KCNQ3: variants seen among roughly 807,000 people sequenced by gnomAD.
KCNQ3 encodes the protein potassium voltage-gated channel subfamily Q member 3, also known as potassium voltage-gated channel subfamily KQT member 3.
In KCNQ3, 30 loss-of-function variants were observed where a neutral mutation model predicts 92.5. That is an observed-to-expected ratio of 0.32 (90% CI 0.24 to 0.44). The LOEUF (loss-of-function observed/expected upper bound fraction) is 0.44, where lower values mean the gene tolerates loss of function less well. Among genes scored for constraint, KCNQ3 ranks in the 20% least tolerant of loss-of-function variants. KCNQ3 has a pLI of 1.00. For missense variants in KCNQ3, 913 were observed against 1,140.3 expected (o/e 0.80, Z 2.87); for synonymous variants, 450 against 468.8 (o/e 0.96, Z 0.52).
chr8:132,131,208 A>C (rs984212384), intron 14 of KCNQ3, among the ~76,000 whole-genome samples: 1 of 152,262 alleles, frequency 6.6e-6, no homozygotes, highest in African/African-American at 2.4e-5. Flanking sequence ...ACAAAAAGGA[A>C]TAATTCAGAT....
Position 132,226,106 on chromosome 8 carries a change from C to G in KCNQ3, c.387-39925G>C, listed in dbSNP as rs763292220. On this transcript the variant is annotated intron_variant, in intron 1 of 14. Transcript: ENST00000388996. ...CTAACGTGGCGAAACCCCGTCTCTA[C>G]TAAAAATACAAAAAATTAGCCGGAC... Among the ~76,000 whole-genome samples the G allele has an allele frequency of 6.2e-4, 95 of 152,034 alleles. 1 individual carries two copies. The highest frequency in any genetic ancestry group is 7.2e-4 in the Admixed American group (11 of 15,250).
intron 1 of KCNQ3, among the ~76,000 whole-genome samples, chr8:132,218,499 AG>A (rs2130327377): frequency 6.6e-6 from 1 of 152,344 alleles, no homozygotes; most frequent in East Asian, 1.9e-4. Context: ...ATAGAATAAA[AG>A]AAGGGAGAGA....
intron 1 of KCNQ3, among the ~76,000 whole-genome samples, chr8:132,463,523 C>A (rs2597371): frequency 0.64 from 97,016 of 152,062 alleles, 31,150 homozygotes; most frequent in Middle Eastern, 0.72. Context: ...TCAAGTAAGC[C>A]GAGTGTGTGG....
intron 4 of KCNQ3, among the ~76,000 whole-genome samples, chr8:132,176,065 A>T (rs1826541255): frequency 6.6e-6 from 1 of 152,182 alleles, no homozygotes; most frequent in Non-Finnish European, 1.5e-5. Flanking sequence ...GCCTTGGGCA[A>T]ATTCTCCTCT....
chr8:132,344,855 G>A (rs1818636292), intron 1 of KCNQ3, among the ~76,000 whole-genome samples: 2 of 152,166 alleles, frequency 1.3e-5, no homozygotes, highest in Admixed American at 6.5e-5. Flanking sequence ...TTTGCGTGGG[G>A]CAACTTACGA....
chr8:132,287,962 A>T (rs1201504307), intron 1 of KCNQ3, among the ~76,000 whole-genome samples: 1 of 152,186 alleles, frequency 6.6e-6, no homozygotes, highest in Non-Finnish European at 1.5e-5. Flanking sequence ...TTTTAAAAAA[A>T]TTGACAAAGT....
intron 1 of KCNQ3, among the ~76,000 whole-genome samples, chr8:132,235,527 A>T (rs1049537623): frequency 2.0e-5 from 3 of 152,296 alleles, no homozygotes; most frequent in Non-Finnish European, 4.4e-5. Flanking sequence ...CTGTCCAGCC[A>T]CTAGCTGACC....
At chr8:132,190,525 G>A (rs1264936726) in intron 1 of KCNQ3, among the ~76,000 whole-genome samples, 1 of 152,182 alleles carries the variant, frequency 6.6e-6, no homozygotes, top group Non-Finnish European at 1.5e-5. Context: ...GGAACTGTGG[G>A]ATTCTTGGAC....
intron 1 of KCNQ3, among the ~76,000 whole-genome samples, chr8:132,260,062 T>C (rs1815726948): frequency 6.6e-6 from 1 of 152,200 alleles, no homozygotes; most frequent in African/African-American, 2.4e-5. Context: ...ATTGTTAAGA[T>C]GAAACTACTT....
chr8:132,307,841 T>C (rs780750477), intron 1 of KCNQ3, among the ~76,000 whole-genome samples: 21 of 152,208 alleles, frequency 1.4e-4, no homozygotes, highest in Non-Finnish European at 2.6e-4. Context: ...CCCATTCATA[T>C]CAGAAGATTA....
chr8:132,446,366 G>A (rs1384867186), intron 1 of KCNQ3, among the ~76,000 whole-genome samples: 1 of 152,206 alleles, frequency 6.6e-6, no homozygotes, highest in East Asian at 1.9e-4. Flanking sequence ...AGAGCACCCT[G>A]CCTGGAAATG....
At chr8:132,227,349 C>T (rs1209229182) in intron 1 of KCNQ3, among the ~76,000 whole-genome samples, 1 of 152,074 alleles carries the variant, frequency 6.6e-6, no homozygotes, top group Non-Finnish European at 1.5e-5. Flanking sequence ...CGTGAGCCAC[C>T]ACACCCGGCC....
chr8:132,447,020 T>C (rs1302795239), intron 1 of KCNQ3, among the ~76,000 whole-genome samples: 1 of 152,214 alleles, frequency 6.6e-6, no homozygotes, highest in African/African-American at 2.4e-5. Context: ...TTAGGGTAGC[T>C]TCCTGTTCAA....
rs542478614 is a variant in KCNQ3 at position 132,355,201 on chromosome 8, A to C, written c.386+124946T>G. Among the ~76,000 whole-genome samples the C allele has an allele frequency of 1.3e-4, 20 of 152,276 alleles. No homozygotes were observed. The South Asian group carries it at 4.1e-3, about 32-fold the overall frequency. ...ACCTTAATGCAGAGCTGTAGGCTCA[A>C]TGTGCATAAATTACTGGTATAAAAA... is the stretch of plus-strand genomic sequence containing the variant. On this transcript the variant is annotated intron_variant, in intron 1 of 14. Coordinates refer to ENST00000388996, the MANE Select transcript of KCNQ3 (RefSeq NM_004519.4).
chr8:132,301,673 T>C (rs1194254453), intron 1 of KCNQ3, among the ~76,000 whole-genome samples: 2 of 152,122 alleles, frequency 1.3e-5, no homozygotes, highest in African/African-American at 2.4e-5. Flanking sequence ...GAACCTAAGA[T>C]GATCCCCCAG....
At position 132,198,451 on chromosome 8, in the gene KCNQ3, A is replaced by G. The variant is rs1018808587; in HGVS notation, c.387-12270T>C. ...TTTTCCAGGATCTGAATCTTAGCTC[A>G]CCGCTTAGCAACGTGATGATATTTG... On this transcript the variant is annotated intron_variant, in intron 1 of 14. Coordinates refer to ENST00000388996, the MANE Select transcript of KCNQ3 (RefSeq NM_004519.4). 2.6e-5 allele frequency among the ~76,000 whole-genome samples: 4 copies of G among 152,232 alleles called. No individual in the cohort carries two copies. The East Asian group carries it at 7.7e-4, about 29-fold the overall frequency.
rs373265662 is a variant in KCNQ3 at position 132,431,877 on chromosome 8, T to C, written c.386+48270A>G. Reference sequence around the variant, plus strand: ...CCCCACCCAGGCACCTGCTGAACTCTTTCCATCCATGATCTTTGACTGGGT... The same window carrying C: ...CCCCACCCAGGCACCTGCTGAACTCCTTCCATCCATGATCTTTGACTGGGT... On this transcript the variant is annotated intron_variant, in intron 1 of 14. Coordinates refer to ENST00000388996, the MANE Select transcript of KCNQ3 (RefSeq NM_004519.4). 9.8e-5 allele frequency among the ~76,000 whole-genome samples: 15 copies of C among 152,320 alleles called. No homozygotes were observed. The East Asian group carries it at 2.9e-3, about 29-fold the overall frequency.
chr8:132,335,677 A>C (rs1340523561), intron 1 of KCNQ3, among the ~76,000 whole-genome samples: 1 of 152,226 alleles, frequency 6.6e-6, no homozygotes, highest in Admixed American at 6.5e-5. Flanking sequence ...CAAATTCAAA[A>C]TCAGAGAAAC....
At chr8:132,250,465 G>A (rs765964359) in intron 1 of KCNQ3, among the ~76,000 whole-genome samples, 20 of 152,074 alleles carry the variant, frequency 1.3e-4, no homozygotes, top group Non-Finnish European at 2.5e-4. Flanking sequence ...ATAGTGTGTC[G>A]TTATTATTTT....
Sources: allele counts gnomAD v4.1 joint callset (sites outside exome capture counted in the v4.1 genomes callset), GRCh38; gene constraint gnomAD v4.1.1; transcripts MANE v1.5; gene names NCBI Gene and HGNC (gene_info 2026-07-23, HGNC 2026-07-21).